PHF10: variants seen among roughly 807,000 people sequenced by gnomAD.
PHF10 encodes the protein PHD finger protein 10.
In PHF10, 51 loss-of-function variants were observed where a neutral mutation model predicts 68.5. That is an observed-to-expected ratio of 0.74 (90% CI 0.59 to 0.94). PHF10 has a LOEUF of 0.94. PHF10 is among the 40% of genes least tolerant of loss of function. The pLI, the probability that PHF10 is intolerant of heterozygous loss-of-function variation, is 0.00. For synonymous variants in PHF10, 204 were observed against 203.5 expected (o/e 1.00, Z -0.02); for missense variants, 460 against 602.6 (o/e 0.76, Z 2.48).
intron 2 of PHF10, among the ~76,000 whole-genome samples, chr6:169,719,534 T>C (rs1003999862): frequency 6.6e-6 from 1 of 152,182 alleles, no homozygotes; most frequent in Non-Finnish European, 1.5e-5. Flanking sequence ...AACCTCTATA[T>C]TGGACATGGG....
intron 9 of PHF10, chr6:169,707,237 A>G (rs977920562): frequency 2.6e-5 from 4 of 152,214 alleles, no homozygotes; most frequent in Non-Finnish European, 5.9e-5. Context: ...ATAGTGTCAC[A>G]TGCTCAAACC....
At chr6:169,712,574 T>C (rs1177770332) in intron 7 of PHF10, 35 bp from the exon 8 acceptor site, 1 of 1,563,072 alleles carries the variant, frequency 6.4e-7, no homozygotes, top group South Asian at 1.2e-5. Flanking sequence ...GGTTTCCCTT[T>C]ATTATTAAAT....
rs571659973 is a variant in PHF10 at position 169,721,693 on chromosome 6, A to G, written c.88-582T>C. Among the ~76,000 whole-genome samples the G allele has an allele frequency of 9.2e-5, 14 of 151,818 alleles. No homozygotes were observed. The South Asian group carries it at 2.9e-3, about 32-fold the overall frequency. Reference sequence around the variant, plus strand: ...GAGGGGAATTTTTTTTTTAAAGAAGATTATATATTTTTAATGTAATCCATT... The same window carrying G: ...GAGGGGAATTTTTTTTTTAAAGAAGGTTATATATTTTTAATGTAATCCATT... On this transcript the variant is annotated intron_variant, in intron 1 of 11. Transcript: ENST00000339209.
intron 7 of PHF10, among the ~76,000 whole-genome samples, chr6:169,712,872 G>A (rs1788957561): frequency 6.6e-6 from 1 of 152,110 alleles, no homozygotes. Context: ...ACTGTCCCAG[G>A]TCTTTGCTAC....
At chr6:169,705,589 A>T in intron 10 of PHF10, 27 bp downstream of exon 10, 1 of 1,169,122 alleles carries the variant, frequency 8.6e-7, no homozygotes, top group Non-Finnish European at 1.3e-6. Flanking sequence ...GGTGGTTAAA[A>T]TTTTAAAAAG....
intron 2 of PHF10, among the ~76,000 whole-genome samples, chr6:169,720,063 G>A (rs1789141221): frequency 6.6e-6 from 1 of 151,884 alleles, no homozygotes; most frequent in South Asian, 2.1e-4. Flanking sequence ...ATGAAAAGAT[G>A]TTCAATATCA....
At position 169,721,028 on chromosome 6, in the gene PHF10, A is replaced by G. The variant is rs1406362560; in HGVS notation, c.171T>C (p.Cys57=). The G allele has an allele frequency of 1.3e-6, 2 of 1,543,554 alleles. No homozygotes were observed. The highest frequency in any genetic ancestry group is 2.4e-5 in the East Asian group (1 of 40,880). The change falls in exon 2 of 12, where the codon TGT becomes TGC. Residue 57 remains cysteine (C), a synonymous_variant. Transcript: ENST00000339209. ...RMGSGDSSRS[C]ETSSQDLGFS... ...ACCCAAGATCTTGACTTGAAGTTTC[A>G]CAACTCCTAGAACTATCTCCTGAGC...
At chr6:169,713,833 A>C (rs1321964149) in intron 7 of PHF10, among the ~76,000 whole-genome samples, 1 of 152,158 alleles carries the variant, frequency 6.6e-6, no homozygotes, top group African/African-American at 2.4e-5. Flanking sequence ...GAGACTTTAA[A>C]ACAAAATGGG....
intron 8 of PHF10, among the ~76,000 whole-genome samples, chr6:169,712,130 T>G (rs535819525): frequency 6.6e-6 from 1 of 152,356 alleles, no homozygotes; most frequent in Admixed American, 6.5e-5. Context: ...AATAAATGAT[T>G]GTAAGCTAAT....
At chr6:169,722,115 T>C (rs1199288848) in intron 1 of PHF10, among the ~76,000 whole-genome samples, 1 of 152,218 alleles carries the variant, frequency 6.6e-6, no homozygotes, top group African/African-American at 2.4e-5. Context: ...GCTACTATAT[T>C]AAAAGTACTT....
chr6:169,713,554 G>A (rs778448624), intron 7 of PHF10, among the ~76,000 whole-genome samples: 3 of 146,866 alleles, frequency 2.0e-5, no homozygotes, highest in Non-Finnish European at 4.5e-5. Flanking sequence ...AGCCGAGATC[G>A]CGCCACTGCA....
At chr6:169,713,906 T>TAGGTCAAG (rs1260435599) in intron 7 of PHF10, among the ~76,000 whole-genome samples, 1 of 152,088 alleles carries the variant, frequency 6.6e-6, no homozygotes, top group Non-Finnish European at 1.5e-5. Flanking sequence ...GGCGGATCAC[T>TAGGTCAAG]AGGTCAAGAG....
intron 3 of PHF10, 92 bp downstream of exon 3, chr6:169,718,696 T>C: frequency 1.3e-6 from 1 of 778,998 alleles, no homozygotes; most frequent in East Asian, 2.8e-5. Flanking sequence ...CACAAGAATA[T>C]AAAATATAAT....
intron 7 of PHF10, among the ~76,000 whole-genome samples, chr6:169,714,404 A>G (rs1261066209): frequency 6.6e-6 from 1 of 152,232 alleles, no homozygotes; most frequent in East Asian, 1.9e-4. Context: ...GAGATTCTGC[A>G]TTTCCAACAA....
chr6:169,722,422 G>A (rs1318778991), intron 1 of PHF10, among the ~76,000 whole-genome samples: 2 of 152,034 alleles, frequency 1.3e-5, no homozygotes, highest in East Asian at 1.9e-4. Context: ...TTACTGGTGA[G>A]CATTTTAAGG....
In PHF10 at chr6:169,712,307, G is replaced by C; in HGVS notation, c.957+79C>G. ...ACATGCAACCATCCTTTTTCAAGGA[G>C]AGGGTGATGACAGAAATTCAATGTA... On this transcript the variant is annotated intron_variant, in intron 8 of 11. Transcript: ENST00000339209. 8 of 1,171,198 alleles carry C rather than the reference G, an allele frequency of 6.8e-6. No individual in the cohort carries two copies. In the South Asian group the frequency reaches 1.0e-4, roughly 15 times the overall value. 72.6% of individuals were successfully genotyped at this position (1,171,198 alleles called of 1,614,324 possible). A position where few individuals can be genotyped will look rare whatever the true frequency, so the allele number is the denominator to read the frequency against.
At chr6:169,716,528 A>G (rs1464973651) in intron 4 of PHF10, among the ~76,000 whole-genome samples, 3 of 151,844 alleles carry the variant, frequency 2.0e-5, no homozygotes, top group African/African-American at 4.8e-5. Flanking sequence ...AAACATCAGC[A>G]CACACACACA....
intron 2 of PHF10, 196 bp from the exon 3 acceptor site, chr6:169,719,114 G>A (rs1562988601): frequency 8.9e-6 from 4 of 449,512 alleles, no homozygotes; most frequent in South Asian, 3.0e-5. Context: ...AAGTCAAAAA[G>A]GTATGTGAAA....
intron 11 of PHF10, 139 bp downstream of exon 11, chr6:169,704,994 G>A (rs1788727726): frequency 3.6e-6 from 2 of 558,764 alleles, no homozygotes; most frequent in South Asian, 7.3e-5. Flanking sequence ...GACATGACCT[G>A]TATAATCACA....
Sources: gnomAD v4.1 joint callset for allele counts (sites outside exome capture counted in the v4.1 genomes callset) on GRCh38, gnomAD v4.1.1 for gene constraint, MANE v1.5 for transcripts, NCBI Gene and HGNC (gene_info 2026-07-23, HGNC 2026-07-21) for gene names.